S100A13: variants seen among roughly 807,000 people sequenced by gnomAD.
The protein encoded by S100A13 is protein S100-A13.
Under a neutral mutation model 8.2 loss-of-function variants are expected in S100A13, and 6 were observed. The observed-to-expected ratio is 0.73, with a 90% CI of 0.40 to 1.44. S100A13 has a LOEUF of 1.44. Among genes scored for constraint, S100A13 ranks in the 40% most tolerant of loss-of-function variants. The pLI, the probability that S100A13 is intolerant of heterozygous loss-of-function variation, is 0.02. For synonymous variants in S100A13, 39 were observed against 45.9 expected, an observed-to-expected ratio of 0.85 and a Z score of 0.61; for missense variants, 114 against 113.6, an observed-to-expected ratio of 1.00 and a Z score of -0.02.
chr1:153,631,298 C>T (rs1215627209), upstream of S100A13: 2 of 685,008 alleles, frequency 2.9e-6, no homozygotes, highest in African/African-American at 3.6e-5. Flanking sequence ...AAATTCCAGC[C>T]CTGCTACTTT....
At chr1:153,619,089 A>C (rs770992479) in intron 2 of S100A13, 51 bp from the exon 3 acceptor site, 1 of 1,550,166 alleles carries the variant, frequency 6.5e-7, no homozygotes, top group East Asian at 2.3e-5. Flanking sequence ...GGTTCTTGAG[A>C]AAGTAGGGAG....
chr1:153,633,899 C>T (rs1218228497), upstream of S100A13: 4 of 151,766 alleles, frequency 2.6e-5, no homozygotes, highest in African/African-American at 9.8e-5. Flanking sequence ...TGGCCACGCC[C>T]CTAGGGGCGG....
intron 1 of S100A13, chr1:153,626,813 G>C (rs1466392180): frequency 4.9e-6 from 1 of 202,570 alleles, no homozygotes; most frequent in East Asian, 1.1e-4. Context: ...ACCCCTCTGT[G>C]GTGATCCCTC....
At chr1:153,631,511 G>A (rs1234374684), upstream of S100A13, 4 of 1,612,798 alleles carry the variant, frequency 2.5e-6, no homozygotes, top group Non-Finnish European at 3.4e-6. Flanking sequence ...CATTCTGCCA[G>A]GTGAAAGAGC....
upstream of S100A13, among the ~76,000 whole-genome samples, chr1:153,632,828 A>G (rs1166838455): frequency 6.6e-6 from 1 of 152,132 alleles, no homozygotes; most frequent in Non-Finnish European, 1.5e-5. Context: ...TCATTCTCTC[A>G]TTCCTCAAAC....
At chr1:153,626,579 A>T in intron 1 of S100A13, 46 bp from the exon 2 acceptor site, 1 of 1,161,156 alleles carries the variant, frequency 8.6e-7, no homozygotes, top group Non-Finnish European at 1.2e-6. Flanking sequence ...GGGAGCCCCA[A>T]GATGCAGGAA....
At chr1:153,630,706 G>A, upstream of S100A13, 3 of 1,603,446 alleles carry the variant, frequency 1.9e-6, no homozygotes, top group Middle Eastern at 3.3e-4. Flanking sequence ...GGTGAAGGTT[G>A]GGGGAATGGG....
At chr1:153,619,391 T>A (rs1667092996) in intron 2 of S100A13, among the ~76,000 whole-genome samples, 1 of 152,194 alleles carries the variant, frequency 6.6e-6, no homozygotes, top group African/African-American at 2.4e-5. Flanking sequence ...TGCTGTGGGA[T>A]CGGCCCAAGG....
chr1:153,622,935 A>T (rs1165347138), intron 2 of S100A13, among the ~76,000 whole-genome samples: 2 of 152,128 alleles, frequency 1.3e-5, no homozygotes, highest in African/African-American at 2.4e-5. Context: ...CAAAAAAATT[A>T]AAAAATTAGC....
chr1:153,622,990 T>G (rs1203010436), intron 2 of S100A13, among the ~76,000 whole-genome samples: 1 of 151,956 alleles, frequency 6.6e-6, no homozygotes, highest in Non-Finnish European at 1.5e-5. Flanking sequence ...CTCAGAAGGC[T>G]GAGGTGGAAG....
upstream of S100A13, chr1:153,630,418 C>A (rs1667936346): frequency 2.7e-6 from 4 of 1,469,254 alleles, no homozygotes; most frequent in East Asian, 9.4e-5. Context: ...TTTGAGCTGT[C>A]AGCCAGGGCC....
intron 2 of S100A13, among the ~76,000 whole-genome samples, chr1:153,621,545 G>C (rs1038126872): frequency 2.0e-5 from 3 of 151,706 alleles, no homozygotes; most frequent in African/African-American, 4.8e-5. Context: ...GGCCAAGGCG[G>C]GTGGATAACT....
upstream of S100A13, chr1:153,630,913 A>G: frequency 2.0e-6 from 1 of 504,172 alleles, no homozygotes; most frequent in Non-Finnish European, 3.5e-6. Flanking sequence ...ACACAGACTT[A>G]GAAGGGAAAG....
chr1:153,625,575 C>T (rs1279010922), intron 2 of S100A13, among the ~76,000 whole-genome samples: 3 of 152,210 alleles, frequency 2.0e-5, no homozygotes, highest in African/African-American at 7.2e-5. Flanking sequence ...GCTGTGTTTT[C>T]ATTTTTGATA....
At chr1:153,626,672 G>C in intron 1 of S100A13, 139 bp from the exon 2 acceptor site, 1 of 535,340 alleles carries the variant, frequency 1.9e-6, no homozygotes, top group Non-Finnish European at 3.3e-6. Flanking sequence ...AGAGGACAGG[G>C]GTTGAGCTTG....
At chr1:153,628,333 C>A (rs1024008890), upstream of S100A13, 8 of 1,525,778 alleles carry the variant, frequency 5.2e-6, no homozygotes, top group African/African-American at 4.1e-5. Context: ...CTGCTCCTGG[C>A]CCCTTGCCCC....
At chr1:153,630,714 G>C, upstream of S100A13, 1 of 1,598,098 alleles carries the variant, frequency 6.3e-7, no homozygotes, top group Non-Finnish European at 8.6e-7. Context: ...TTGGGGGAAT[G>C]GGGTGGACAC....
upstream of S100A13, chr1:153,627,835 C>T (rs1373943643): frequency 6.9e-6 from 4 of 579,590 alleles, no homozygotes; most frequent in Non-Finnish European, 9.1e-6. Context: ...GGCAACCAAT[C>T]AAGGGAGCTC....
chr1:153,623,310 C>T (rs990843648), intron 2 of S100A13, among the ~76,000 whole-genome samples: 7 of 151,890 alleles, frequency 4.6e-5, no homozygotes, highest in African/African-American at 1.7e-4. Context: ...AGTGACGTAT[C>T]ATTTGCATAA....
Sources: gnomAD v4.1 joint callset for allele counts (sites outside exome capture counted in the v4.1 genomes callset) on GRCh38, gnomAD v4.1.1 for gene constraint, MANE v1.5 for transcripts, NCBI Gene and HGNC (gene_info 2026-07-23, HGNC 2026-07-21) for gene names.